CLSTN2: variants seen among roughly 807,000 people sequenced by gnomAD.
CLSTN2 encodes calsyntenin-2.
In CLSTN2, 48 loss-of-function variants were observed where a neutral mutation model predicts 101.2. The observed-to-expected ratio is 0.47, with a 90% CI of 0.38 to 0.60. The LOEUF is 0.60. Ranked by LOEUF, CLSTN2 falls within the 20% of genes least tolerant of loss-of-function variation. CLSTN2 has a pLI of 0.00. For missense variants in CLSTN2, 1,160 were observed against 1,238.2 expected, an observed-to-expected ratio of 0.94 and a Z score of 0.95; for synonymous variants, 481 against 463.6, an observed-to-expected ratio of 1.04 and a Z score of -0.48.
At chr3:140,392,447 T>C (rs968052167) in intron 2 of CLSTN2, among the ~76,000 whole-genome samples, 1 of 152,184 alleles carries the variant, frequency 6.6e-6, no homozygotes, top group Non-Finnish European at 1.5e-5. Context: ...ATTTAGAGTT[T>C]ATGTAATTTA....
At chr3:140,317,683 G>A (rs189490153) in intron 2 of CLSTN2, among the ~76,000 whole-genome samples, 26 of 152,248 alleles carry the variant, frequency 1.7e-4, no homozygotes, top group Admixed American at 1.4e-3. Context: ...GTTTTTGACT[G>A]TTACCTGACT....
At chr3:140,069,373 G>A (rs1352133681) in intron 1 of CLSTN2, among the ~76,000 whole-genome samples, 1 of 152,162 alleles carries the variant, frequency 6.6e-6, no homozygotes, top group Non-Finnish European at 1.5e-5. Flanking sequence ...TCAATGGTAG[G>A]GCCTGGATAG....
At chr3:140,428,805 G>A (rs1378380694) in intron 5 of CLSTN2, among the ~76,000 whole-genome samples, 2 of 152,140 alleles carry the variant, frequency 1.3e-5, no homozygotes, top group African/African-American at 4.8e-5. Context: ...CTCCAAGTGC[G>A]TCAAATTGTC....
At chr3:140,360,596 A>G (rs2087720069) in intron 2 of CLSTN2, among the ~76,000 whole-genome samples, 1 of 152,182 alleles carries the variant, frequency 6.6e-6, no homozygotes, top group Non-Finnish European at 1.5e-5. Flanking sequence ...AAAGTGGGGC[A>G]GGGAGGTCAG....
At chr3:140,476,495 G>A (rs1284820426) in intron 8 of CLSTN2, among the ~76,000 whole-genome samples, 1 of 152,072 alleles carries the variant, frequency 6.6e-6, no homozygotes, top group African/African-American at 2.4e-5. Context: ...ACTCCAAGAG[G>A]GTAAAAGGCA....
At chr3:140,189,322 A>G (rs2010527624) in intron 2 of CLSTN2, among the ~76,000 whole-genome samples, 1 of 152,182 alleles carries the variant, frequency 6.6e-6, no homozygotes, top group South Asian at 2.1e-4. Flanking sequence ...TTTATAAGAA[A>G]CTGCTGAAGT....
chr3:140,539,177 T>C (rs1351103314), intron 9 of CLSTN2, among the ~76,000 whole-genome samples: 1 of 150,462 alleles, frequency 6.6e-6, no homozygotes, highest in Non-Finnish European at 1.5e-5. Flanking sequence ...TTGAGGCTAC[T>C]TTGACAACTT....
chr3:140,106,295 A>G (rs1004744014), intron 1 of CLSTN2, among the ~76,000 whole-genome samples: 4 of 152,116 alleles, frequency 2.6e-5, no homozygotes, highest in African/African-American at 9.7e-5. Context: ...GATCCTAGGA[A>G]CCTCCCAGAG....
At chr3:140,070,129 T>C (rs115388304) in intron 1 of CLSTN2, among the ~76,000 whole-genome samples, 13 of 152,334 alleles carry the variant, frequency 8.5e-5, no homozygotes, top group Non-Finnish European at 1.6e-4. Context: ...TGTGGTCACC[T>C]ATATTTTGAT....
chr3:140,573,456 C>T lies in CLSTN2; in HGVS notation c.*7203C>T, dbSNP rs1985627993. 6.6e-6 allele frequency: 1 copy of T among 152,204 alleles called. No individual in the cohort carries two copies. The highest frequency in any genetic ancestry group is 2.4e-5 in the African/African-American group (1 of 41,448). The allele number at this position is 152,204 out of a possible 1,614,324, so 9.4% of individuals were successfully genotyped here. ...GTCTGGGCCTTCTGATTTCTAAAGT[C>T]TGTGAGGCTGCCAGGATTCACCAAT... On this transcript the variant is annotated 3_prime_UTR_variant, in exon 17 of 17. Transcript: ENST00000458420.
chr3:140,195,742 ACT>A (rs2010634731), intron 2 of CLSTN2, among the ~76,000 whole-genome samples: 1 of 152,176 alleles, frequency 6.6e-6, no homozygotes, highest in Non-Finnish European at 1.5e-5. Context: ...ACTGTATTTC[ACT>A]CCAGGCAACG....
intron 1 of CLSTN2, among the ~76,000 whole-genome samples, chr3:140,171,655 T>TA (rs1463180133): frequency 4.6e-5 from 1 of 21,868 alleles, no homozygotes; most frequent in Non-Finnish European, 8.8e-5. Context: ...TAATACGTAT[T>TA]ATATATTATA....
At chr3:140,280,096 G>A (rs1426548660) in intron 2 of CLSTN2, among the ~76,000 whole-genome samples, 1 of 152,248 alleles carries the variant, frequency 6.6e-6, no homozygotes, top group Non-Finnish European at 1.5e-5. Context: ...AGTGAAGAGT[G>A]AGAGTGTCAA....
intron 1 of CLSTN2, among the ~76,000 whole-genome samples, chr3:140,117,957 C>G (rs1425688593): frequency 6.6e-6 from 1 of 152,186 alleles, no homozygotes; most frequent in Non-Finnish European, 1.5e-5. Context: ...TGAATTTTGT[C>G]TTCCCCAAAT....
rs371253726 is a variant in CLSTN2 at position 140,280,515 on chromosome 3, G to A, written c.232+104442G>A. ...AATTCTTCACACTTCGGACAGTGAGGAAAGCAATTGGGAAGCAGCTCCCAT... is the reference window on the plus strand; with the variant it reads ...AATTCTTCACACTTCGGACAGTGAGAAAAGCAATTGGGAAGCAGCTCCCAT... On this transcript the variant is annotated intron_variant, in intron 2 of 16. Coordinates refer to ENST00000458420, the MANE Select transcript of CLSTN2 (RefSeq NM_022131.3). Among the ~76,000 whole-genome samples the A allele has an allele frequency of 1.1e-4, 17 of 152,304 alleles. No individual in the cohort carries two copies. In the East Asian group the frequency reaches 3.3e-3, roughly 29 times the overall value.
chr3:140,536,993 A>G (rs564785607), intron 9 of CLSTN2, among the ~76,000 whole-genome samples: 1 of 152,352 alleles, frequency 6.6e-6, no homozygotes, highest in Admixed American at 6.5e-5. Context: ...AGATCTTTCA[A>G]TAAGACCTGA....
intron 8 of CLSTN2, among the ~76,000 whole-genome samples, chr3:140,524,203 G>C (rs931208477): frequency 1.3e-5 from 2 of 152,202 alleles, no homozygotes; most frequent in African/African-American, 4.8e-5. Flanking sequence ...TGTAGCATGG[G>C]AAACACTGAA....
chr3:140,490,315 T>C (rs1934328720), intron 8 of CLSTN2, among the ~76,000 whole-genome samples: 1 of 150,672 alleles, frequency 6.6e-6, no homozygotes, highest in Non-Finnish European at 1.5e-5. Context: ...GATCCCTTCC[T>C]ATTGGAGTCA....
At position 140,278,558 on chromosome 3, in the gene CLSTN2, G is replaced by GC. The variant is rs369565718; in HGVS notation, c.232+102486dup. On this transcript the variant is annotated intron_variant, in intron 2 of 16. Transcript: ENST00000458420. ...ATGTCACCAGCAGACAATGAATTCT[G>GC]CAAGGATGAGCACTGTGCGGCTTCA... is the stretch of plus-strand genomic sequence containing the variant. Among the ~76,000 whole-genome samples, 5 of 152,286 alleles carry GC rather than the reference G, an allele frequency of 3.3e-5. No homozygotes were observed. The East Asian group carries it at 9.7e-4, about 29-fold the overall frequency.
Sources: allele counts gnomAD v4.1 joint callset (sites outside exome capture counted in the v4.1 genomes callset), GRCh38; gene constraint gnomAD v4.1.1; transcripts MANE v1.5; gene names NCBI Gene and HGNC (gene_info 2026-07-23, HGNC 2026-07-21).